GRID2: variants seen among roughly 807,000 people sequenced by gnomAD.
GRID2 encodes glutamate receptor ionotropic, delta-2.
In GRID2, 33 loss-of-function variants were observed where a neutral mutation model predicts 114.8. The observed-to-expected ratio is 0.29, with a 90% CI of 0.22 to 0.38. GRID2 has a LOEUF of 0.38. Ranked by LOEUF, GRID2 falls within the 10% of genes least tolerant of loss-of-function variation. The probability of loss-of-function intolerance (pLI) is 1.00; values close to 1 mark genes in which losing one functional copy is unlikely to be tolerated. For missense variants in GRID2, 1,184 were observed against 1,257.7 expected (o/e 0.94, Z 0.89); for synonymous variants, 505 against 449.9 (o/e 1.12, Z -1.55).
At chr4:92,916,991 T>C (rs534966976) in intron 2 of GRID2, among the ~76,000 whole-genome samples, 3 of 152,226 alleles carry the variant, frequency 2.0e-5, no homozygotes, top group East Asian at 3.9e-4. Context: ...AGTGTAAAAG[T>C]GTTCCTATTT....
At chr4:93,144,672 T>A (rs1736043471) in intron 4 of GRID2, among the ~76,000 whole-genome samples, 1 of 152,208 alleles carries the variant, frequency 6.6e-6, no homozygotes, top group Non-Finnish European at 1.5e-5. Flanking sequence ...AATGACAGGA[T>A]AATCACCAAA....
At chr4:93,682,232 T>C (rs1725632660) in intron 14 of GRID2, among the ~76,000 whole-genome samples, 2 of 148,860 alleles carry the variant, frequency 1.3e-5, no homozygotes. Context: ...CACAATGAGA[T>C]ACCATCTCAC....
chr4:93,331,200 G>A (rs1383384008), intron 8 of GRID2, among the ~76,000 whole-genome samples: 1 of 141,436 alleles, frequency 7.1e-6, no homozygotes, highest in East Asian at 2.1e-4. Flanking sequence ...TCATTCTGGA[G>A]ACTCCAGAGA....
rs1016458469 is a variant in GRID2, at chr4:93,690,953, AAT to A, written c.2360+64526_2360+64527del. 4.7e-5 allele frequency among the ~76,000 whole-genome samples: 7 copies of A among 148,602 alleles called. No homozygotes were observed. The East Asian group carries it at 7.8e-4, about 17-fold the overall frequency. On this transcript the variant is annotated intron_variant, in intron 14 of 15. Coordinates refer to ENST00000282020, the MANE Select transcript of GRID2 (RefSeq NM_001510.4). ...ATTTTATATATATTATAACATACATAATATATATAAATAAGTCTTTCATTTTA... is the reference window on the plus strand; with the variant it reads ...ATTTTATATATATTATAACATACATAATATATAAATAAGTCTTTCATTTTA...
intron 2 of GRID2, among the ~76,000 whole-genome samples, chr4:92,943,326 A>G (rs1751328391): frequency 6.6e-6 from 1 of 151,424 alleles, no homozygotes; most frequent in Non-Finnish European, 1.5e-5. Flanking sequence ...CATTTCATTC[A>G]TTTCATCTTC....
At chr4:93,288,042 C>A (rs1753362140) in intron 8 of GRID2, among the ~76,000 whole-genome samples, 2 of 152,190 alleles carry the variant, frequency 1.3e-5, no homozygotes, top group South Asian at 4.1e-4. Flanking sequence ...TATCCCCACA[C>A]ATCAATATTT....
chr4:92,802,871 T>A (rs1740241951), intron 2 of GRID2, among the ~76,000 whole-genome samples: 1 of 151,994 alleles, frequency 6.6e-6, no homozygotes, highest in African/African-American at 2.4e-5. Flanking sequence ...AGCCTTAGAA[T>A]AAGTCTGAAC....
At chr4:93,498,919 T>A (rs1727830597) in intron 12 of GRID2, among the ~76,000 whole-genome samples, 1 of 151,948 alleles carries the variant, frequency 6.6e-6, no homozygotes, top group Admixed American at 6.6e-5. Flanking sequence ...TTTTTTATTG[T>A]AGATATTATT....
chr4:92,970,974 C>T (rs988880110), intron 2 of GRID2, among the ~76,000 whole-genome samples: 3 of 150,652 alleles, frequency 2.0e-5, no homozygotes, highest in Admixed American at 6.6e-5. Flanking sequence ...ATACATCGTG[C>T]GTGTATGTGT....
chr4:93,687,133 G>T (rs1034555705), intron 14 of GRID2, among the ~76,000 whole-genome samples: 2 of 151,930 alleles, frequency 1.3e-5, no homozygotes, highest in Non-Finnish European at 2.9e-5. Context: ...GATAGCTGAT[G>T]GATTGGAAGT....
chr4:92,951,271 G>T (rs1300377430), intron 2 of GRID2, among the ~76,000 whole-genome samples: 2 of 151,808 alleles, frequency 1.3e-5, no homozygotes, highest in African/African-American at 4.8e-5. Context: ...TGAATAAAAG[G>T]AACTTAACAA....
chr4:92,311,227 T>C (rs1340075403), intron 1 of GRID2, among the ~76,000 whole-genome samples: 2 of 152,066 alleles, frequency 1.3e-5, no homozygotes, highest in Non-Finnish European at 2.9e-5. Context: ...GCATCAGGAA[T>C]ATTAACATAT....
At chr4:93,225,027 T>G (rs1248927243) in intron 7 of GRID2, among the ~76,000 whole-genome samples, 2 of 152,200 alleles carry the variant, frequency 1.3e-5, no homozygotes, top group East Asian at 3.9e-4. Flanking sequence ...CTTGACTATG[T>G]CATTAGCATT....
intron 13 of GRID2, among the ~76,000 whole-genome samples, chr4:93,573,431 A>G (rs575902896): frequency 9.9e-4 from 151 of 152,322 alleles, no homozygotes; most frequent in Non-Finnish European, 1.9e-3. Context: ...CTAATGCAAC[A>G]TGACTGTATG....
At chr4:93,382,181 CT>C (rs915566602) in intron 8 of GRID2, among the ~76,000 whole-genome samples, 2 of 151,966 alleles carry the variant, frequency 1.3e-5, no homozygotes, top group Non-Finnish European at 2.9e-5. Context: ...TTGATATTCT[CT>C]TTTTTGTCTT....
intron 2 of GRID2, among the ~76,000 whole-genome samples, chr4:93,012,871 G>C (rs541075392): frequency 6.6e-6 from 1 of 151,502 alleles, no homozygotes; most frequent in African/African-American, 2.4e-5. Context: ...ATGTGTATAC[G>C]TGGGAATATA....
chr4:93,608,116 AT>A (rs1740473475), intron 13 of GRID2, among the ~76,000 whole-genome samples: 4 of 147,534 alleles, frequency 2.7e-5, no homozygotes, highest in African/African-American at 1.0e-4. Context: ...ACACACACAC[AT>A]ATATGTGTAT....
chr4:92,850,341 A>C (rs1324963091), intron 2 of GRID2, among the ~76,000 whole-genome samples: 4 of 151,858 alleles, frequency 2.6e-5, no homozygotes. Flanking sequence ...AAAAATATGC[A>C]TTGTTTCAGG....
chr4:93,448,496 G>A (rs544652321), intron 10 of GRID2, among the ~76,000 whole-genome samples: 9 of 151,934 alleles, frequency 5.9e-5, no homozygotes, highest in African/African-American at 1.9e-4. Context: ...AGCATACATG[G>A]AACATTGACA....
Sources: gnomAD v4.1 joint callset for allele counts (sites outside exome capture counted in the v4.1 genomes callset) on GRCh38, gnomAD v4.1.1 for gene constraint, MANE v1.5 for transcripts, NCBI Gene and HGNC (gene_info 2026-07-23, HGNC 2026-07-21) for gene names.